Variants in C8orf34 observed in about 807,000 individuals in gnomAD.
The protein encoded by C8orf34 is uncharacterized protein C8orf34.
A neutral mutation model predicts 68.3 loss-of-function variants in C8orf34; 65 were observed. The observed-to-expected ratio is 0.95, with a 90% CI of 0.78 to 1.17. C8orf34 has a LOEUF of 1.17. C8orf34 is among the 50% of genes most tolerant of loss of function. The pLI is 0.00. For missense variants in C8orf34, 664 were observed against 655.4 expected, an observed-to-expected ratio of 1.01 and a Z score of -0.14; for synonymous variants, 244 against 241.2, an observed-to-expected ratio of 1.01 and a Z score of -0.11.
intron 7 of C8orf34, among the ~76,000 whole-genome samples, chr8:68,560,209 A>C (rs1169318449): frequency 6.6e-6 from 1 of 151,728 alleles, no homozygotes; most frequent in East Asian, 1.9e-4. Flanking sequence ...GGAGAGCATT[A>C]TGCACCTACA....
chr8:68,691,353 C>T (rs1000888966), intron 8 of C8orf34, among the ~76,000 whole-genome samples: 3 of 152,068 alleles, frequency 2.0e-5, no homozygotes, highest in African/African-American at 7.2e-5. Context: ...ATAATGCTAT[C>T]GCACACTTAA....
chr8:68,808,504 AT>A (rs1302731925), intron 12 of C8orf34, among the ~76,000 whole-genome samples: 2 of 151,786 alleles, frequency 1.3e-5, no homozygotes, highest in African/African-American at 4.8e-5. Flanking sequence ...AGCCTGCTGT[AT>A]CTACTGGGTT....
intron 5 of C8orf34, among the ~76,000 whole-genome samples, chr8:68,501,685 C>T (rs1813778876): frequency 6.6e-6 from 1 of 152,148 alleles, no homozygotes; most frequent in Non-Finnish European, 1.5e-5. Context: ...CTTTTAGCCA[C>T]TGTGTCCATT....
chr8:68,740,591 A>G (rs1822260658), intron 10 of C8orf34, among the ~76,000 whole-genome samples: 1 of 152,132 alleles, frequency 6.6e-6, no homozygotes, highest in Non-Finnish European at 1.5e-5. Context: ...AAATTAACAG[A>G]TACTGGTGGG....
chr8:68,593,030 G>GT (rs1186614581), intron 7 of C8orf34, among the ~76,000 whole-genome samples: 4 of 152,076 alleles, frequency 2.6e-5, no homozygotes, highest in Non-Finnish European at 1.5e-5. Flanking sequence ...GAAGCTTGCT[G>GT]TAAGTTTTTG....
intron 7 of C8orf34, among the ~76,000 whole-genome samples, chr8:68,553,818 C>G (rs192176506): frequency 6.6e-6 from 1 of 151,826 alleles, no homozygotes; most frequent in Admixed American, 6.6e-5. Flanking sequence ...GTTGATTTTT[C>G]TCTTCTCACA....
chr8:68,401,195 G>A (rs1036889681), intron 1 of C8orf34, among the ~76,000 whole-genome samples: 1 of 150,782 alleles, frequency 6.6e-6, no homozygotes, highest in Non-Finnish European at 1.5e-5. Context: ...CTGATGTATA[G>A]GAACACCACT....
At chr8:68,415,338 G>T (rs1275966240) in intron 1 of C8orf34, among the ~76,000 whole-genome samples, 1 of 152,106 alleles carries the variant, frequency 6.6e-6, no homozygotes, top group Non-Finnish European at 1.5e-5. Context: ...AAATTAGCTG[G>T]GTGTGGCGGT....
At chr8:68,371,189 T>C (rs1807545223) in intron 1 of C8orf34, among the ~76,000 whole-genome samples, 1 of 152,226 alleles carries the variant, frequency 6.6e-6, no homozygotes, top group Non-Finnish European at 1.5e-5. Flanking sequence ...CTCATTCAAA[T>C]AACAGGTTCC....
intron 12 of C8orf34, among the ~76,000 whole-genome samples, chr8:68,794,451 C>A (rs1824105790): frequency 7.3e-6 from 1 of 137,900 alleles, no homozygotes; most frequent in Non-Finnish European, 1.5e-5. Context: ...GGATTACTGG[C>A]ATGAATCATT....
At chr8:68,573,611 A>G (rs570554907) in intron 7 of C8orf34, among the ~76,000 whole-genome samples, 1 of 152,290 alleles carries the variant, frequency 6.6e-6, no homozygotes, top group South Asian at 2.1e-4. Flanking sequence ...CGTCCAGGAA[A>G]AAACGTGATG....
chr8:68,592,613 T>A (rs1817428382), intron 7 of C8orf34, among the ~76,000 whole-genome samples: 1 of 142,860 alleles, frequency 7.0e-6, no homozygotes, highest in African/African-American at 2.6e-5. Flanking sequence ...TTTTTTTTTT[T>A]TTTTTTGAGA....
chr8:68,450,115 A>G (rs1811284554), intron 3 of C8orf34, among the ~76,000 whole-genome samples: 1 of 152,182 alleles, frequency 6.6e-6, no homozygotes, highest in African/African-American at 2.4e-5. Context: ...CACCTAGAGT[A>G]GATTCTATTT....
chr8:68,794,497 A>T lies in C8orf34; in HGVS notation c.1549+6961A>T, dbSNP rs1824114407. 1.4e-4 allele frequency among the ~76,000 whole-genome samples: 12 copies of T among 84,084 alleles called. 1 individual carries two copies. Among genetic ancestry groups the T allele is most frequent in the Middle Eastern group, 7.2e-3 (1 of 138 alleles). The allele number at this position is 84,084 out of a possible 152,430, so 55.2% of individuals were successfully genotyped here. ...TATAAATATAAATATATATATATAT[A>T]TATATATATTTTTTTTTTTTTTTTT... On this transcript the variant is annotated intron_variant, in intron 12 of 13. Transcript: ENST00000518698.
At chr8:68,634,408 T>A (rs1288805504) in intron 7 of C8orf34, among the ~76,000 whole-genome samples, 1 of 152,266 alleles carries the variant, frequency 6.6e-6, no homozygotes, top group Non-Finnish European at 1.5e-5. Flanking sequence ...ATCTAGGATA[T>A]GTTCCTGGTA....
intron 10 of C8orf34, among the ~76,000 whole-genome samples, chr8:68,738,884 G>A (rs986976516): frequency 6.6e-6 from 1 of 152,082 alleles, no homozygotes; most frequent in Admixed American, 6.6e-5. Flanking sequence ...CATTCCTGGT[G>A]AAAGTATTCT....
chr8:68,540,792 A>G (rs945429155), intron 7 of C8orf34, among the ~76,000 whole-genome samples: 4 of 152,194 alleles, frequency 2.6e-5, no homozygotes, highest in Admixed American at 6.5e-5. Flanking sequence ...CAGTGAGCCA[A>G]GATCACGCCA....
At chr8:68,376,634 C>A (rs1807814400) in intron 1 of C8orf34, among the ~76,000 whole-genome samples, 1 of 149,428 alleles carries the variant, frequency 6.7e-6, no homozygotes, top group Admixed American at 6.7e-5. Context: ...AATCATTTTA[C>A]TTCTCTCTCT....
intron 12 of C8orf34, among the ~76,000 whole-genome samples, chr8:68,789,268 G>A (rs540071999): frequency 6.6e-6 from 1 of 152,210 alleles, no homozygotes; most frequent in African/African-American, 2.4e-5. Flanking sequence ...TCCTACAAGA[G>A]GTGCCCAAAG....
Sources: allele counts gnomAD v4.1 joint callset (sites outside exome capture counted in the v4.1 genomes callset), GRCh38; gene constraint gnomAD v4.1.1; transcripts MANE v1.5; gene names NCBI Gene and HGNC (gene_info 2026-07-23, HGNC 2026-07-21).